The following GALNT7 variants were observed in gnomAD, a reference collection of about 807,000 sequenced individuals.
GALNT7 encodes N-acetylgalactosaminyltransferase 7.
A neutral mutation model predicts 82.1 loss-of-function variants in GALNT7; 60 were observed. The ratio of observed to expected loss-of-function variants is 0.73; its 90% CI spans 0.59 to 0.91. The LOEUF (loss-of-function observed/expected upper bound fraction) is 0.91. Ranked by LOEUF, GALNT7 falls within the 40% of genes least tolerant of loss-of-function variation. The pLI is 0.00. For synonymous variants in GALNT7, 243 were observed against 275.1 expected (o/e 0.88, Z 1.15); for missense variants, 660 against 804.2 (o/e 0.82, Z 2.17).
Position 173,313,996 on chromosome 4 carries a change from T to C in GALNT7, c.1428T>C (p.Tyr476=). ...VRVVEVWWDE[Y]KDYFYASRPE... Reference sequence around the variant, plus strand: ...TTGTGGAGGTTTGGTGGGATGAATATAAAGACTACTTCTATGCTAGTCGTC... The same window carrying C: ...TTGTGGAGGTTTGGTGGGATGAATACAAAGACTACTTCTATGCTAGTCGTC... Residue 476 remains tyrosine (Y), a synonymous_variant, in exon 9 of 12, where the codon TAT becomes TAC. Transcript: ENST00000265000. The C allele has an allele frequency of 6.2e-7, 1 of 1,601,592 alleles. No individual in the cohort carries two copies. The highest frequency in any genetic ancestry group is 1.7e-5 in the Admixed American group (1 of 59,972).
At chr4:173,271,232 G>A (rs906778702) in intron 2 of GALNT7, among the ~76,000 whole-genome samples, 2 of 152,134 alleles carry the variant, frequency 1.3e-5, no homozygotes, top group African/African-American at 2.4e-5. Flanking sequence ...AAAGGTATCA[G>A]GCTAGATTTT....
At chr4:173,248,939 T>A (rs1422352617) in intron 2 of GALNT7, among the ~76,000 whole-genome samples, 1 of 444 alleles carries the variant, frequency 2.3e-3, no homozygotes, top group East Asian at 0.036. Flanking sequence ...TTTAATTTTT[T>A]TCCCTCAGTA....
intron 11 of GALNT7, 92 bp from the exon 12 acceptor site, chr4:173,321,488 A>C: frequency 1.2e-6 from 1 of 861,186 alleles, no homozygotes; most frequent in South Asian, 1.5e-5. Context: ...CATTTCCTTA[A>C]ACTGTCTCCT....
intron 8 of GALNT7, among the ~76,000 whole-genome samples, chr4:173,312,474 G>A (rs979826347): frequency 2.0e-5 from 3 of 152,174 alleles, no homozygotes; most frequent in Admixed American, 1.3e-4. Flanking sequence ...ATCCACTTCT[G>A]TGAGAGCAAG....
intron 8 of GALNT7, among the ~76,000 whole-genome samples, chr4:173,305,666 C>A (rs1737129442): frequency 1.3e-5 from 2 of 152,082 alleles, no homozygotes; most frequent in South Asian, 4.1e-4. Flanking sequence ...TGTTTTCCCT[C>A]ATGTGTTCTC....
chr4:173,281,691 C>T (rs1736114949), intron 2 of GALNT7, among the ~76,000 whole-genome samples: 1 of 152,202 alleles, frequency 6.6e-6, no homozygotes, highest in Non-Finnish European at 1.5e-5. Context: ...GGATAGTCTC[C>T]TCCAAAGCTG....
At chr4:173,246,564 A>G (rs1352880252) in intron 1 of GALNT7, among the ~76,000 whole-genome samples, 1 of 152,222 alleles carries the variant, frequency 6.6e-6, no homozygotes, top group Non-Finnish European at 1.5e-5. Context: ...TATGTTACCT[A>G]AACAAATAGA....
chr4:173,299,645 G>A (rs1365879263), intron 6 of GALNT7, among the ~76,000 whole-genome samples: 3 of 152,136 alleles, frequency 2.0e-5, no homozygotes, highest in Admixed American at 1.3e-4. Context: ...TCAGGAGTTC[G>A]AGATCAACCT....
At chr4:173,271,609 A>G (rs541220278) in intron 2 of GALNT7, among the ~76,000 whole-genome samples, 2 of 152,154 alleles carry the variant, frequency 1.3e-5, no homozygotes, top group African/African-American at 4.8e-5. Context: ...GGTGTGCACC[A>G]TCAGGCGTGG....
At chr4:173,175,139 C>A (rs966119032) in intron 1 of GALNT7, among the ~76,000 whole-genome samples, 3 of 152,184 alleles carry the variant, frequency 2.0e-5, no homozygotes, top group African/African-American at 7.2e-5. Flanking sequence ...CAGCTCCTAA[C>A]TAGATAATTG....
intron 2 of GALNT7, among the ~76,000 whole-genome samples, chr4:173,285,920 G>C (rs1736303365): frequency 6.6e-6 from 1 of 152,134 alleles, no homozygotes; most frequent in Admixed American, 6.5e-5. Context: ...CTATTTCCCA[G>C]GGAGTCCCAG....
intron 2 of GALNT7, among the ~76,000 whole-genome samples, chr4:173,269,846 A>G (rs1375847397): frequency 1.3e-5 from 2 of 152,202 alleles, no homozygotes; most frequent in Non-Finnish European, 2.9e-5. Context: ...CCACGGCCAT[A>G]AAGTCCAATT....
chr4:173,256,579 T>A lies in GALNT7; in HGVS notation c.587+8139T>A, dbSNP rs369955575. Among the ~76,000 whole-genome samples the A allele has an allele frequency of 4.6e-5, 7 of 151,612 alleles. No homozygotes were observed. The East Asian group carries it at 1.4e-3, about 29-fold the overall frequency. On this transcript the variant is annotated intron_variant, in intron 2 of 11. Transcript: ENST00000265000. ...CCTCCCTTCCTTCCTTCCCGTATTT[T>A]TTTTCTGAAGTCTTTCTTTCTTTCT...
At chr4:173,275,792 G>A (rs754516171) in intron 2 of GALNT7, among the ~76,000 whole-genome samples, 9 of 152,174 alleles carry the variant, frequency 5.9e-5, no homozygotes, top group Non-Finnish European at 1.2e-4. Context: ...GCAGTAACCT[G>A]CTAGGAACTA....
intron 2 of GALNT7, among the ~76,000 whole-genome samples, chr4:173,285,946 T>G (rs768535491): frequency 3.3e-5 from 5 of 152,090 alleles, no homozygotes; most frequent in Non-Finnish European, 7.4e-5. Context: ...CAGAAGTCAT[T>G]CTAGGGTCTT....
At chr4:173,296,525 A>G (rs80064054) in intron 5 of GALNT7, among the ~76,000 whole-genome samples, 1,694 of 152,322 alleles carry the variant, frequency 0.011, 46 homozygotes, top group African/African-American at 0.038. Context: ...AAGGCCGAAC[A>G]TGAACATTTT....
chr4:173,216,361 A>G (rs913475778), intron 1 of GALNT7, among the ~76,000 whole-genome samples: 2 of 152,156 alleles, frequency 1.3e-5, no homozygotes, highest in Non-Finnish European at 2.9e-5. Flanking sequence ...AGATAAGTAC[A>G]ATAGTGGAGG....
intron 8 of GALNT7, among the ~76,000 whole-genome samples, chr4:173,304,724 C>T (rs78561916): frequency 0.057 from 8,732 of 152,002 alleles, 393 homozygotes; most frequent in African/African-American, 0.12. Context: ...TGGTAACCAC[C>T]ATTTTACTAT....
intron 1 of GALNT7, among the ~76,000 whole-genome samples, chr4:173,247,654 T>C (rs913064424): frequency 6.6e-6 from 1 of 152,144 alleles, no homozygotes; most frequent in African/African-American, 2.4e-5. Flanking sequence ...TAATCAAAGA[T>C]TCTAGAACTT....
Sources: allele counts gnomAD v4.1 joint callset (sites outside exome capture counted in the v4.1 genomes callset), GRCh38; gene constraint gnomAD v4.1.1; transcripts MANE v1.5; gene names NCBI Gene and HGNC (gene_info 2026-07-23, HGNC 2026-07-21).